Variants in SOD3 observed in about 807,000 individuals in gnomAD.
SOD3 encodes the protein superoxide dismutase 3.
Under a neutral mutation model 2.6 loss-of-function variants are expected in SOD3, and 3 were observed. The observed-to-expected ratio is 1.13, with a 90% CI of 0.52 to 2.93. The LOEUF is 2.93. Ranked by LOEUF, SOD3 falls within the 30% of genes most tolerant of loss-of-function variation. SOD3 has a pLI of 0.04. For missense variants in SOD3, 379 were observed against 370.4 expected (o/e 1.02, Z -0.19); for synonymous variants, 188 against 177.5 (o/e 1.06, Z -0.47).
Position 24,800,283 on chromosome 4 carries a change from GC to G in SOD3, c.*45del. On this transcript the variant is annotated 3_prime_UTR_variant, in exon 2 of 2. Coordinates refer to ENST00000382120, the MANE Select transcript of SOD3 (RefSeq NM_003102.4). ...CCGGCGGCGGCCAGGGACCCCCGAG[GC>G]CCCCCTCTGCCTTTGAGCTTCTCCT... 17 of 1,369,394 alleles carry G rather than the reference GC, an allele frequency of 1.2e-5. No homozygotes were observed. Among genetic ancestry groups the G allele is most frequent in the Non-Finnish European group, 1.6e-5 (17 of 1,063,032 alleles). 84.8% of individuals were successfully genotyped at this position (1,369,394 alleles called of 1,614,324 possible).
At chr4:24,796,700 T>G (rs978376558) in intron 1 of SOD3, among the ~76,000 whole-genome samples, 4 of 151,362 alleles carry the variant, frequency 2.6e-5, no homozygotes, top group African/African-American at 7.3e-5. Flanking sequence ...ATGATTCTCC[T>G]GTCTCATCCT....
rs183010097 is a variant in SOD3 at position 24,796,999 on chromosome 4, G to C, written c.-17+1348G>C. The stretch of plus-strand genomic sequence containing the variant: ...ACCCCACTTTCCTGCCTACTCCCTG[G>C]GGCTTTGGGGTAGTAGTACCACATT... On this transcript the variant is annotated intron_variant, in intron 1 of 1. Transcript: ENST00000382120. Among the ~76,000 whole-genome samples, 36 of 152,182 alleles carry C rather than the reference G, an allele frequency of 2.4e-4. No homozygotes were observed. The East Asian group carries it at 4.4e-3, about 19-fold the overall frequency.
At position 24,800,528 on chromosome 4, in the gene SOD3, G is replaced by C. The variant is rs1357381542; in HGVS notation, c.*284G>C. ...GCTGACAGCCTCCTAGGCTCCCTGA[G>C]GTACCTTTCCACCCAGACCCTCCTT... is the stretch of plus-strand genomic sequence containing the variant. On this transcript the variant is annotated 3_prime_UTR_variant, in exon 2 of 2. Coordinates refer to ENST00000382120, the MANE Select transcript of SOD3 (RefSeq NM_003102.4). 8 of 314,826 alleles carry C rather than the reference G, an allele frequency of 2.5e-5. No homozygotes were observed. The Admixed American group carries it at 4.1e-4, about 16-fold the overall frequency. 19.5% of individuals were successfully genotyped at this position (314,826 alleles called of 1,614,324 possible).
Position 24,800,026 on chromosome 4 carries a change from G to A in SOD3, c.505G>A (p.Gly169Ser), listed in dbSNP as rs757646950. 2.0e-6 allele frequency: 3 copies of A among 1,529,028 alleles called. No individual in the cohort carries two copies. Among genetic ancestry groups the A allele is most frequent in the Non-Finnish European group, 2.6e-6 (3 of 1,147,566 alleles). The allele number at this position is 1,529,028 out of a possible 1,614,324, so 94.7% of individuals were successfully genotyped here. Residue 169 changes from glycine to serine, a missense_variant, in exon 2 of 2, where the codon GGC (glycine) becomes AGC (serine). Coordinates refer to ENST00000382120, the MANE Select transcript of SOD3 (RefSeq NM_003102.4). ...YRAGLAASLA[G>S]PHSIVGRAVV... is the part of the protein sequence containing the mutation. ...CGCCGGCCTGGCCGCCTCGCTCGCG[G>A]GCCCGCACTCCATCGTGGGCCGGGC...
intron 1 of SOD3, among the ~76,000 whole-genome samples, chr4:24,796,831 C>T (rs1299530202): frequency 6.6e-6 from 1 of 152,138 alleles, no homozygotes; most frequent in Non-Finnish European, 1.5e-5. Flanking sequence ...AGCTCACTGA[C>T]ACACCCAAAA....
chr4:24,795,943 A>T (rs1713645113), intron 1 of SOD3, among the ~76,000 whole-genome samples: 1 of 152,042 alleles, frequency 6.6e-6, no homozygotes, highest in African/African-American at 2.4e-5. Context: ...GCCTTTCTAG[A>T]TGTTGCATGG....
chr4:24,798,261 T>C (rs800445), intron 1 of SOD3, among the ~76,000 whole-genome samples: 150,801 of 152,190 alleles, frequency 0.99, 74,724 homozygotes, highest in East Asian at 1. Flanking sequence ...CCACCTGTCT[T>C]CCCACCTGGG....
At position 24,800,238 on chromosome 4, in the gene SOD3, C is replaced by T. The variant is rs1713808632; in HGVS notation, c.717C>T (p.Ala239=). The T allele has an allele frequency of 1.4e-6, 2 of 1,399,394 alleles. No homozygotes were observed. The highest frequency in any genetic ancestry group is 1.6e-5 in the South Asian group (1 of 61,224). 86.7% of individuals were successfully genotyped at this position (1,399,394 alleles called of 1,614,324 possible). A position where few individuals can be genotyped will look rare whatever the true frequency, so the allele number is the denominator to read the frequency against. The change falls in exon 2 of 2, where the codon GCC becomes GCT. Residue 239 remains alanine (A), a synonymous_variant. Transcript: ENST00000382120. ...GGCGGCGCGAGAGCGAGTGCAAGGC[C>T]GCCTGAGCGCGGCCCCCACCCGGCG... is the stretch of plus-strand genomic sequence containing the variant. ...KKRRRESECK[A]A
rs376173986 is a variant in SOD3, at chr4:24,800,047, C to A, written c.526C>A (p.Arg176=). ...SLAGPHSIVG[R]AVVVHAGEDD... Reference sequence around the variant, plus strand: ...CGCGGGCCCGCACTCCATCGTGGGCCGGGCCGTGGTCGTCCACGCTGGCGA... The same window carrying A: ...CGCGGGCCCGCACTCCATCGTGGGCAGGGCCGTGGTCGTCCACGCTGGCGA... Residue 176 remains arginine (R), a synonymous_variant, in exon 2 of 2, where the codon CGG becomes AGG. Coordinates refer to ENST00000382120, the MANE Select transcript of SOD3 (RefSeq NM_003102.4). 59 of 1,484,180 alleles carry A rather than the reference C, an allele frequency of 4.0e-5. No individual in the cohort carries two copies. The highest frequency in any genetic ancestry group is 2.0e-4 in the Middle Eastern group (1 of 5,064). The allele number at this position is 1,484,180 out of a possible 1,614,324, so 91.9% of individuals were successfully genotyped here.
In SOD3 at chr4:24,800,214, G is replaced by A. The variant is rs1713806451; in HGVS notation, c.693G>A (p.Arg231=). The A allele has an allele frequency of 7.0e-7, 1 of 1,432,288 alleles. No individual in the cohort carries two copies. The highest frequency in any genetic ancestry group is 9.1e-7 in the Non-Finnish European group (1 of 1,098,350). 88.7% of individuals were successfully genotyped at this position (1,432,288 alleles called of 1,614,324 possible). The change falls in exon 2 of 2, where the codon CGG becomes CGA. Residue 231 remains arginine, a synonymous_variant. Coordinates refer to ENST00000382120, the MANE Select transcript of SOD3 (RefSeq NM_003102.4). ...GGGAGCACTCAGAGCGCAAGAAGCG[G>A]CGGCGCGAGAGCGAGTGCAAGGCCG... The part of the protein sequence containing the change: ...QAREHSERKK[R]RRESECKAA
In SOD3 at chr4:24,800,074, G is replaced by A. The variant is rs920118216; in HGVS notation, c.553G>A (p.Asp185Asn). 6.3e-6 allele frequency: 9 copies of A among 1,428,746 alleles called. No homozygotes were observed. The African/African-American group carries it at 1.4e-4, about 22-fold the overall frequency. The allele number at this position is 1,428,746 out of a possible 1,614,324, so 88.5% of individuals were successfully genotyped here. ...GRAVVVHAGEDDLGRGGNQAS... is the reference protein window; with the variant it reads ...GRAVVVHAGENDLGRGGNQAS... ...GGCCGTGGTCGTCCACGCTGGCGAGGACGACCTGGGCCGCGGCGGCAACCA... is the reference window on the plus strand; with the variant it reads ...GGCCGTGGTCGTCCACGCTGGCGAGAACGACCTGGGCCGCGGCGGCAACCA... The change falls in exon 2 of 2, where the codon GAC becomes AAC. Residue 185 changes from aspartate (D) to asparagine (N), a missense_variant. Physicochemically the swap from Asp to Asn is conservative, Grantham distance 23. Transcript: ENST00000382120.
In SOD3 at chr4:24,799,591, T is replaced by C; in HGVS notation, c.70T>C (p.Ser24Pro). 1.2e-6 allele frequency: 2 copies of C among 1,603,696 alleles called. No individual in the cohort carries two copies. The highest frequency in any genetic ancestry group is 1.7e-6 in the Non-Finnish European group (2 of 1,178,684). ...GASDAWTGED[S>P]AEPNSDSAEW... ...CTCGGACGCCTGGACGGGCGAGGAC[T>C]CGGCGGAGCCCAACTCTGACTCGGC... Residue 24 changes from serine to proline, a missense_variant, in exon 2 of 2, where the codon TCG (serine) becomes CCG (proline). By Grantham distance (74) the Ser-to-Pro change is moderately conservative. Transcript: ENST00000382120.
intron 1 of SOD3, among the ~76,000 whole-genome samples, chr4:24,797,346 C>T (rs139946917): frequency 1.9e-4 from 29 of 152,310 alleles, no homozygotes; most frequent in African/African-American, 5.5e-4. Flanking sequence ...TCACCTTGGG[C>T]GGGACACACG....
Position 24,800,318 on chromosome 4 carries a change from A to G in SOD3, c.*74A>G, listed in dbSNP as rs370150021. The G allele has an allele frequency of 7.6e-7, 1 of 1,307,628 alleles. No individual in the cohort carries two copies. 81.0% of individuals were successfully genotyped at this position (1,307,628 alleles called of 1,614,324 possible). Reference sequence around the variant, plus strand: ...GCCTTTGAGCTTCTCCTCTGCTCCAACAGACACCCTCCACTCTGAGGTCTC... The same window carrying G: ...GCCTTTGAGCTTCTCCTCTGCTCCAGCAGACACCCTCCACTCTGAGGTCTC... On this transcript the variant is annotated 3_prime_UTR_variant, in exon 2 of 2. Transcript: ENST00000382120.
Position 24,798,562 on chromosome 4 carries a change from C to G in SOD3, c.-16-944C>G, listed in dbSNP as rs530827437. 1.9e-3 allele frequency among the ~76,000 whole-genome samples: 284 copies of G among 152,226 alleles called. 3 individuals are homozygous for G. The highest frequency in any genetic ancestry group is 6.6e-3 in the African/African-American group (274 of 41,544). The stretch of plus-strand genomic sequence containing the variant: ...TCTCTATTTCTGCTTCTCTGTCTCT[C>G]CCTAGGCTACTCCCATTCTTCCTCC... On this transcript the variant is annotated intron_variant, in intron 1 of 1. Transcript: ENST00000382120.
At chr4:24,798,212 C>A (rs1346676575) in intron 1 of SOD3, among the ~76,000 whole-genome samples, 1 of 152,116 alleles carries the variant, frequency 6.6e-6, no homozygotes, top group Non-Finnish European at 1.5e-5. Context: ...AGCTTCATCT[C>A]CTCTTCTAAG....
intron 1 of SOD3, among the ~76,000 whole-genome samples, chr4:24,797,818 G>A (rs1414058272): frequency 1.3e-5 from 2 of 152,200 alleles, no homozygotes; most frequent in African/African-American, 2.4e-5. Flanking sequence ...TGCTGGAAAT[G>A]CAGTTGACCT....
In SOD3 at chr4:24,800,262, C is replaced by A. The variant is rs1713850882; in HGVS notation, c.*18C>A. ...CCGCCTGAGCGCGGCCCCCACCCGG[C>A]GGCGGCCAGGGACCCCCGAGGCCCC... On this transcript the variant is annotated 3_prime_UTR_variant, in exon 2 of 2. Coordinates refer to ENST00000382120, the MANE Select transcript of SOD3 (RefSeq NM_003102.4). 7.2e-7 allele frequency: 1 copy of A among 1,380,452 alleles called. No homozygotes were observed. Among genetic ancestry groups the A allele is most frequent in the African/African-American group, 1.5e-5 (1 of 65,252 alleles). 85.5% of individuals were successfully genotyped at this position (1,380,452 alleles called of 1,614,324 possible).
chr4:24,800,541 C>T lies in SOD3; in HGVS notation c.*297C>T. 4 of 285,986 alleles carry T rather than the reference C, an allele frequency of 1.4e-5. No homozygotes were observed. Among genetic ancestry groups the T allele is most frequent in the East Asian group, 1.3e-4 (2 of 15,390 alleles). The allele number at this position is 285,986 out of a possible 1,614,324, so 17.7% of individuals were successfully genotyped here. ...TAGGCTCCCTGAGGTACCTTTCCAC[C>T]CAGACCCTCCTTCCCCACCCCATAA... On this transcript the variant is annotated 3_prime_UTR_variant, in exon 2 of 2. Coordinates refer to ENST00000382120, the MANE Select transcript of SOD3 (RefSeq NM_003102.4).
Sources: allele counts gnomAD v4.1 joint callset (sites outside exome capture counted in the v4.1 genomes callset), GRCh38; gene constraint gnomAD v4.1.1; transcripts MANE v1.5; gene names NCBI Gene and HGNC (gene_info 2026-07-23, HGNC 2026-07-21).